RARB: variants seen among roughly 807,000 people sequenced by gnomAD.
RARB encodes retinoic acid receptor beta.
A neutral mutation model predicts 51.9 loss-of-function variants in RARB; 17 were observed. The ratio of observed to expected loss-of-function variants is 0.33; its 90% CI spans 0.22 to 0.49. The LOEUF (loss-of-function observed/expected upper bound fraction) is 0.49. Among genes scored for constraint, RARB ranks in the 20% least tolerant of loss-of-function variants. The pLI, the probability that RARB is intolerant of heterozygous loss-of-function variation, is 0.99. For missense variants in RARB, 369 were observed against 550.8 expected (o/e 0.67, Z 3.30); for synonymous variants, 215 against 195.4 (o/e 1.10, Z -0.84).
At chr3:25,102,731 C>G (rs1010265120) in intron 3 of RARB, among the ~76,000 whole-genome samples, 14 of 151,946 alleles carry the variant, frequency 9.2e-5, no homozygotes, top group African/African-American at 2.7e-4. Context: ...TTCTGAATTT[C>G]AGTTAAGATG....
intron 1 of RARB, among the ~76,000 whole-genome samples, chr3:25,430,678 G>A (rs1708168970): frequency 1.3e-5 from 2 of 152,166 alleles, no homozygotes; most frequent in African/African-American, 2.4e-5. Flanking sequence ...AAAACTACCC[G>A]ATAAGCAAGA....
rs200038586 is a variant in RARB, at chr3:25,173,371, TA to T, written c.-279-746del. The stretch of plus-strand genomic sequence containing the variant: ...AGTTCTTACATTAGTGCCTGGCACA[TA>T]ATAGTGAGATTTGATTGGTGAATAG... On this transcript the variant is annotated intron_variant, in intron 4 of 11. Transcript: ENST00000383772. Among the ~76,000 whole-genome samples, 107 of 152,318 alleles carry T rather than the reference TA, an allele frequency of 7.0e-4. 1 individual carries two copies. The highest frequency in any genetic ancestry group is 2.4e-3 in the African/African-American group (100 of 41,576).
At chr3:25,179,413 C>T (rs1700819244) in intron 5 of RARB, among the ~76,000 whole-genome samples, 1 of 152,148 alleles carries the variant, frequency 6.6e-6, no homozygotes, top group Non-Finnish European at 1.5e-5. Flanking sequence ...TGTCCTTAAA[C>T]TTATGCAATG....
chr3:25,577,027 C>T (rs933854273), intron 4 of RARB, among the ~76,000 whole-genome samples: 1 of 152,150 alleles, frequency 6.6e-6, no homozygotes, highest in Non-Finnish European at 1.5e-5. Flanking sequence ...TGGAAGCATC[C>T]AGAGATTCCA....
intron 1 of RARB, among the ~76,000 whole-genome samples, chr3:24,831,650 G>C (rs1483984362): frequency 6.6e-6 from 1 of 151,828 alleles, no homozygotes; most frequent in Non-Finnish European, 1.5e-5. Flanking sequence ...TGGTGGGGGG[G>C]AACTAGTAGG....
At chr3:25,125,142 C>T (rs1403390618) in intron 3 of RARB, among the ~76,000 whole-genome samples, 1 of 152,072 alleles carries the variant, frequency 6.6e-6, no homozygotes, top group East Asian at 1.9e-4. Context: ...TCTAGACAAA[C>T]ACACTCTACC....
At chr3:25,120,396 A>G (rs1699763679) in intron 3 of RARB, among the ~76,000 whole-genome samples, 1 of 152,138 alleles carries the variant, frequency 6.6e-6, no homozygotes, top group African/African-American at 2.4e-5. Flanking sequence ...CCAACTTGTC[A>G]AGAAAAACAG....
chr3:25,174,179 A>G (rs12152294), exon 5 of RARB: 22,724 of 254,958 alleles, frequency 0.089, 1,297 homozygotes, highest in Non-Finnish European at 0.13. Context: ...TGCGAAGCTG[A>G]ACGACGAAAG....
chr3:25,507,436 A>G (rs1475622697), intron 3 of RARB, among the ~76,000 whole-genome samples: 2 of 152,220 alleles, frequency 1.3e-5, no homozygotes, highest in African/African-American at 4.8e-5. Context: ...TTCTACCTGG[A>G]TGAGAGAAAC....
chr3:25,572,155 G>C (rs1400668509), intron 4 of RARB, among the ~76,000 whole-genome samples: 1 of 152,202 alleles, frequency 6.6e-6, no homozygotes, highest in Non-Finnish European at 1.5e-5. Context: ...GAAAACAGGT[G>C]CTGTGCAATG....
chr3:25,382,403 G>A (rs965520957), intron 5 of RARB, among the ~76,000 whole-genome samples: 9 of 55,966 alleles, frequency 1.6e-4, no homozygotes, highest in Non-Finnish European at 3.1e-4. Flanking sequence ...CTCTGGGATG[G>A]TGGGAGAATT....
chr3:24,857,638 C>A (rs1457624831), intron 1 of RARB, among the ~76,000 whole-genome samples: 1 of 152,150 alleles, frequency 6.6e-6, no homozygotes, highest in African/African-American at 2.4e-5. Flanking sequence ...GTTTCGACTT[C>A]AGTGCAGTAG....
intron 3 of RARB, among the ~76,000 whole-genome samples, chr3:25,534,026 T>G (rs1255384524): frequency 6.6e-6 from 1 of 152,224 alleles, no homozygotes; most frequent in African/African-American, 2.4e-5. Flanking sequence ...ATTTAAGAAA[T>G]GCTTTTACTA....
chr3:24,877,884 G>A (rs1303759282), intron 2 of RARB, among the ~76,000 whole-genome samples: 2 of 152,176 alleles, frequency 1.3e-5, no homozygotes, highest in African/African-American at 2.4e-5. Flanking sequence ...GGCTTTTAAG[G>A]AAGATTTTCC....
At chr3:25,504,949 C>T (rs566758317) in intron 3 of RARB, among the ~76,000 whole-genome samples, 31 of 151,922 alleles carry the variant, frequency 2.0e-4, no homozygotes, top group African/African-American at 5.3e-4. Context: ...GTAGAGATGG[C>T]GTTTCATCAA....
At chr3:24,889,582 G>T (rs1194300945) in intron 2 of RARB, among the ~76,000 whole-genome samples, 3 of 151,570 alleles carry the variant, frequency 2.0e-5, no homozygotes, top group Non-Finnish European at 2.9e-5. Flanking sequence ...ACAAACATTT[G>T]CTTGGAAAAC....
Position 25,397,137 on chromosome 3 carries a change from A to G in RARB, c.179-64056A>G, listed in dbSNP as rs113869001. 3.6e-3 allele frequency among the ~76,000 whole-genome samples: 549 copies of G among 152,268 alleles called. 7 individuals are homozygous for G. Among genetic ancestry groups the G allele is most frequent in the African/African-American group, 0.012 (507 of 41,544 alleles). On this transcript the variant is annotated intron_variant, in intron 5 of 11. Coordinates refer to the RARB transcript ENST00000383772. ...TTCTTCTCCATGTGTTCCTTCCCCA[A>G]TTCTACTGGCAGCCCTCCCCAAGGG...
At chr3:25,035,421 CTTTTTTTTTTTTTTTT>C (rs140970899) in intron 2 of RARB, among the ~76,000 whole-genome samples, 1,409 of 121,650 alleles carry the variant, frequency 0.012, 23 homozygotes, top group Middle Eastern at 0.026. Flanking sequence ...TGCGTCCAGC[CTTTTTTTTTTTTTTTT>C]TTTTTTTTTT....
At chr3:24,912,206 A>G (rs528631715) in intron 2 of RARB, among the ~76,000 whole-genome samples, 13 of 152,266 alleles carry the variant, frequency 8.5e-5, no homozygotes, top group Admixed American at 1.3e-4. Context: ...GCTCCATGAT[A>G]GTGTCCACGA....
Sources: allele counts gnomAD v4.1 joint callset (sites outside exome capture counted in the v4.1 genomes callset), GRCh38; gene constraint gnomAD v4.1.1; transcripts MANE v1.5; gene names NCBI Gene and HGNC (gene_info 2026-07-23, HGNC 2026-07-21).